Variants in PRDM1 observed in about 807,000 individuals in gnomAD.
The protein encoded by PRDM1 is PR domain zinc finger protein 1.
Under a neutral mutation model 62.8 loss-of-function variants are expected in PRDM1, and 13 were observed. That is an observed-to-expected ratio of 0.21 (90% CI 0.13 to 0.33). The LOEUF (loss-of-function observed/expected upper bound fraction) is 0.33, where lower values mean the gene tolerates loss of function less well. Among genes scored for constraint, PRDM1 ranks in the 10% least tolerant of loss-of-function variants. The pLI is 1.00. For missense variants in PRDM1, 895 were observed against 1,058.8 expected (o/e 0.85, Z 2.15); for synonymous variants, 396 against 417.6 (o/e 0.95, Z 0.63).
At chr6:106,054,203 A>G (rs761723981) in intron 1 of PRDM1, among the ~76,000 whole-genome samples, 8 of 152,174 alleles carry the variant, frequency 5.3e-5, no homozygotes, top group Non-Finnish European at 1.2e-4. Context: ...TTTTTACAGA[A>G]ACACGTATGT....
At chr6:106,028,621 C>G (rs1772796481) in intron 1 of PRDM1, among the ~76,000 whole-genome samples, 1 of 151,868 alleles carries the variant, frequency 6.6e-6, no homozygotes, top group Non-Finnish European at 1.5e-5. Flanking sequence ...ATTTTTCTAC[C>G]TTATTAAGGT....
At chr6:105,999,975 A>G (rs1772408641) in intron 1 of PRDM1, among the ~76,000 whole-genome samples, 1 of 151,886 alleles carries the variant, frequency 6.6e-6, no homozygotes, top group South Asian at 2.1e-4. Flanking sequence ...TCAGCCTCCC[A>G]AGTAGCTGGG....
intron 1 of PRDM1, among the ~76,000 whole-genome samples, chr6:106,053,555 G>A (rs1411686833): frequency 1.3e-5 from 2 of 151,894 alleles, no homozygotes; most frequent in Non-Finnish European, 2.9e-5. Context: ...TATCCATTAT[G>A]TATTCTAATA....
intron 1 of PRDM1, among the ~76,000 whole-genome samples, chr6:106,018,060 T>C (rs889658286): frequency 6.6e-6 from 1 of 152,090 alleles, no homozygotes; most frequent in Non-Finnish European, 1.5e-5. Flanking sequence ...TATGTGACCA[T>C]GTAACTAGGA....
intron 1 of PRDM1, among the ~76,000 whole-genome samples, chr6:106,025,663 A>C (rs1415266877): frequency 6.6e-6 from 1 of 152,246 alleles, no homozygotes; most frequent in Non-Finnish European, 1.5e-5. Context: ...TTCATTTCTC[A>C]CCTGAGGAAA....
At chr6:106,035,823 C>T (rs1772918740) in intron 1 of PRDM1, among the ~76,000 whole-genome samples, 1 of 142,362 alleles carries the variant, frequency 7.0e-6, no homozygotes, top group African/African-American at 2.5e-5. Flanking sequence ...ATTCAGTCTG[C>T]CAATCTTTGT....
intron 1 of PRDM1, among the ~76,000 whole-genome samples, chr6:106,030,815 T>A (rs1052730061): frequency 6.6e-6 from 1 of 152,228 alleles, no homozygotes; most frequent in Non-Finnish European, 1.5e-5. Context: ...TGCTCAAGCA[T>A]CTTCATATAA....
rs545820252 is a variant in PRDM1, at chr6:106,008,334, C to T, written c.-67+14695C>T. ...GTTGCAGTGAGCCAAGATCGTGCCA[C>T]TGTACTCCAGCCTGGCGACAGAGTG... is the stretch of plus-strand genomic sequence containing the variant. On this transcript the variant is annotated intron_variant, in intron 1 of 6. Coordinates refer to the PRDM1 transcript ENST00000652320. Among the ~76,000 whole-genome samples the T allele has an allele frequency of 4.6e-5, 7 of 152,300 alleles. No individual in the cohort carries two copies. In the South Asian group the frequency reaches 1.5e-3, roughly 32 times the overall value.
chr6:106,049,337 G>A lies in PRDM1; in HGVS notation c.-67+623G>A, dbSNP rs146945532. ...ACTTCCTTTCACCAACAAGCCTCAG[G>A]TGACTGACCAAGTCGTGTACATTTT... is the stretch of plus-strand genomic sequence containing the variant. On this transcript the variant is annotated intron_variant, in intron 1 of 6. Coordinates refer to the PRDM1 transcript ENST00000651185. Among the ~76,000 whole-genome samples, 9 of 152,306 alleles carry A rather than the reference G, an allele frequency of 5.9e-5. No individual in the cohort carries two copies. In the East Asian group the frequency reaches 1.7e-3, roughly 29 times the overall value.
intron 1 of PRDM1, among the ~76,000 whole-genome samples, chr6:106,059,280 T>C (rs1773310733): frequency 6.6e-6 from 1 of 152,204 alleles, no homozygotes. Flanking sequence ...CTATTTTAGA[T>C]AGAGCTCTGT....
intron 1 of PRDM1, among the ~76,000 whole-genome samples, chr6:106,029,650 A>G (rs1409148686): frequency 2.0e-5 from 3 of 152,044 alleles, no homozygotes; most frequent in Non-Finnish European, 4.4e-5. Context: ...TCTGTCACCC[A>G]GGCTGAGTGC....
At chr6:106,073,420 T>A (rs1773553168) in intron 1 of PRDM1, among the ~76,000 whole-genome samples, 1 of 152,108 alleles carries the variant, frequency 6.6e-6, no homozygotes, top group Non-Finnish European at 1.5e-5. Context: ...CGGCCTCAAT[T>A]TCCTTTTGAT....
intron 1 of PRDM1, among the ~76,000 whole-genome samples, chr6:106,056,969 G>A (rs1449675910): frequency 1.3e-5 from 2 of 152,210 alleles, no homozygotes; most frequent in African/African-American, 4.8e-5. Context: ...ATTCACAAGT[G>A]CTCAAGGAAT....
chr6:106,043,794 A>G (rs551337820), upstream of PRDM1, among the ~76,000 whole-genome samples: 1 of 152,160 alleles, frequency 6.6e-6, no homozygotes, highest in Non-Finnish European at 1.5e-5. Flanking sequence ...TCAGACTCCC[A>G]AAGTACTGGG....
chr6:106,081,197 G>A (rs188344416), intron 1 of PRDM1, among the ~76,000 whole-genome samples: 3 of 152,292 alleles, frequency 2.0e-5, no homozygotes, highest in South Asian at 2.1e-4. Context: ...ACTCAGACAC[G>A]AATTTGGTTT....
intron 4 of PRDM1, among the ~76,000 whole-genome samples, chr6:106,103,754 G>A (rs185904442): frequency 3.3e-4 from 50 of 152,260 alleles, no homozygotes; most frequent in Admixed American, 2.1e-3. Flanking sequence ...ATAACGTGCC[G>A]TCTTTGGGAA....
chr6:106,057,513 T>C (rs1773283887), intron 1 of PRDM1, among the ~76,000 whole-genome samples: 1 of 152,192 alleles, frequency 6.6e-6, no homozygotes, highest in Non-Finnish European at 1.5e-5. Context: ...TATAAGTAGA[T>C]AGGAATATAT....
chr6:106,092,305 T>C (rs576472799), intron 2 of PRDM1, among the ~76,000 whole-genome samples: 6 of 152,272 alleles, frequency 3.9e-5, no homozygotes, highest in Middle Eastern at 3.4e-3. Context: ...GTTCTGTAAC[T>C]GAGGCCACAG....
chr6:106,063,337 A>G (rs1473756522), intron 1 of PRDM1, among the ~76,000 whole-genome samples: 1 of 152,124 alleles, frequency 6.6e-6, no homozygotes. Context: ...TCTTGGTCTT[A>G]ATTGTATCCT....
Sources: gnomAD v4.1 joint callset for allele counts (sites outside exome capture counted in the v4.1 genomes callset) on GRCh38, gnomAD v4.1.1 for gene constraint, MANE v1.5 for transcripts, NCBI Gene and HGNC (gene_info 2026-07-23, HGNC 2026-07-21) for gene names.